Variants in BEND6 observed in about 807,000 individuals in gnomAD.
The protein encoded by BEND6 is BEN domain-containing protein 6.
In BEND6, 24 loss-of-function variants were observed where a neutral mutation model predicts 31.8. That is an observed-to-expected ratio of 0.75 (90% confidence interval 0.55 to 1.06). The LOEUF is 1.06. Among genes scored for constraint, BEND6 ranks in the 50% least tolerant of loss-of-function variants. BEND6 has a pLI of 0.00. For missense variants in BEND6, 294 were observed against 327.4 expected (o/e 0.90, Z 0.79); for synonymous variants, 109 against 114.6 (o/e 0.95, Z 0.31).
intron 2 of BEND6, among the ~76,000 whole-genome samples, chr6:56,990,249 C>CTTTTT (rs943959318): frequency 1.8e-4 from 20 of 110,140 alleles, no homozygotes; most frequent in East Asian, 5.7e-4. Context: ...CCACTCGCTT[C>CTTTTT]TTTTTTTTTT....
intron 2 of BEND6, among the ~76,000 whole-genome samples, chr6:56,983,855 C>T (rs1826152870): frequency 6.6e-6 from 1 of 152,104 alleles, no homozygotes; most frequent in Non-Finnish European, 1.5e-5. Flanking sequence ...TGATGAATAC[C>T]TAGATTGCCT....
chr6:56,974,049 G>A (rs769464772), intron 1 of BEND6, among the ~76,000 whole-genome samples: 27 of 152,260 alleles, frequency 1.8e-4, no homozygotes, highest in Non-Finnish European at 1.8e-4. Context: ...CATTGCACCC[G>A]GCCTAAACTT....
At position 56,955,133 on chromosome 6, in the gene BEND6, C is replaced by G. The variant is rs1273684561; in HGVS notation, c.-428C>G. 6.6e-6 allele frequency: 1 copy of G among 150,524 alleles called. No individual in the cohort carries two copies. The highest frequency in any genetic ancestry group is 2.1e-4 in the South Asian group (1 of 4,824). The allele number at this position is 150,524 out of a possible 1,614,324, so 9.3% of individuals were successfully genotyped here. A position where few individuals can be genotyped will look rare whatever the true frequency, so the allele number is the denominator to read the frequency against. On this transcript the variant is annotated 5_prime_UTR_variant, in exon 1 of 7. Transcript: ENST00000370746. ...ACATCACGGCCAGGCTGCGGCAGCG[C>G]GGGCGCGCGGACATGGCTGCGGCGG...
At chr6:56,994,390 G>A (rs751495046) in intron 3 of BEND6, among the ~76,000 whole-genome samples, 2 of 141,474 alleles carry the variant, frequency 1.4e-5, no homozygotes, top group Non-Finnish European at 3.0e-5. Flanking sequence ...CCTGGGAGGC[G>A]GAGCTTGCAG....
rs574624527 is a variant in BEND6, at chr6:57,015,113, A to G, written c.299-20A>G. ...ATTATCAATGGTATTTGTAAAGTGT[A>G]CTTTTTCTTGCCATTTTAGTGTTAC... On this transcript the variant is annotated intron_variant, in intron 3 of 6. Transcript: ENST00000370746. 1.8e-5 allele frequency: 29 copies of G among 1,600,134 alleles called. No homozygotes were observed. Among genetic ancestry groups the G allele is most frequent in the Non-Finnish European group, 2.3e-5 (27 of 1,167,880 alleles).
At chr6:56,986,299 A>G (rs1024082416) in intron 2 of BEND6, among the ~76,000 whole-genome samples, 1 of 152,116 alleles carries the variant, frequency 6.6e-6, no homozygotes, top group African/African-American at 2.4e-5. Context: ...AGGGCCAGGT[A>G]TGGTGACTCG....
intron 3 of BEND6, chr6:57,008,829 T>C (rs1472290463): frequency 6.6e-6 from 1 of 152,272 alleles, no homozygotes; most frequent in East Asian, 1.9e-4. Flanking sequence ...TGTAAACCAG[T>C]GCAGCCACTA....
At chr6:57,011,919 A>G (rs982846465) in intron 3 of BEND6, among the ~76,000 whole-genome samples, 7 of 152,018 alleles carry the variant, frequency 4.6e-5, no homozygotes, top group Admixed American at 2.6e-4. Flanking sequence ...TGAGGTGAGG[A>G]GTTCAAGACC....
At chr6:56,993,890 G>C (rs987345250) in intron 3 of BEND6, among the ~76,000 whole-genome samples, 2 of 152,006 alleles carry the variant, frequency 1.3e-5, no homozygotes, top group African/African-American at 2.4e-5. Context: ...ATAGAGATGG[G>C]GGTCACACTG....
At chr6:56,983,563 T>C (rs1361202934) in intron 2 of BEND6, among the ~76,000 whole-genome samples, 1 of 152,202 alleles carries the variant, frequency 6.6e-6, no homozygotes, top group East Asian at 1.9e-4. Flanking sequence ...ATGCAATAAT[T>C]TTCTTTCTGC....
intron 5 of BEND6, among the ~76,000 whole-genome samples, 171 bp downstream of exon 5, chr6:57,017,570 CTTTACA>C (rs2127892570): frequency 6.6e-6 from 1 of 152,138 alleles, no homozygotes; most frequent in South Asian, 2.1e-4. Context: ...TATAGAAAAA[CTTTACA>C]TTAACAATGG....
At chr6:56,993,859 G>A (rs545763388) in intron 3 of BEND6, among the ~76,000 whole-genome samples, 3 of 152,080 alleles carry the variant, frequency 2.0e-5, no homozygotes, top group East Asian at 1.9e-4. Flanking sequence ...CACCACACCC[G>A]ACTAATTTTT....
intron 3 of BEND6, among the ~76,000 whole-genome samples, chr6:56,995,167 C>T (rs1208657357): frequency 1.3e-5 from 2 of 151,894 alleles, no homozygotes; most frequent in Admixed American, 6.6e-5. Flanking sequence ...ATCAAGTTTT[C>T]CTTCTCTAAT....
Position 56,981,722 on chromosome 6 carries a change from A to G in BEND6, c.-89A>G. The G allele has an allele frequency of 6.8e-7, 1 of 1,465,778 alleles. No homozygotes were observed. Among genetic ancestry groups the G allele is most frequent in the Non-Finnish European group, 9.3e-7 (1 of 1,080,834 alleles). 90.8% of individuals were successfully genotyped at this position (1,465,778 alleles called of 1,614,324 possible). On this transcript the variant is annotated 5_prime_UTR_variant, in exon 2 of 7. Coordinates refer to ENST00000370746, the MANE Select transcript of BEND6 (RefSeq NM_152731.3). Reference sequence around the variant, plus strand: ...TTTTTGTTTTTAAGGGAAAGCATTAACTTTTGAGCTACGTCCAGAATAGCA... The same window carrying G: ...TTTTTGTTTTTAAGGGAAAGCATTAGCTTTTGAGCTACGTCCAGAATAGCA...
chr6:56,961,751 G>A (rs2127837671), intron 1 of BEND6, among the ~76,000 whole-genome samples: 3 of 152,250 alleles, frequency 2.0e-5, no homozygotes, highest in Middle Eastern at 6.8e-3. Context: ...GGTAAATAAA[G>A]CCACCACTCT....
At chr6:57,004,987 A>G (rs1827101039) in intron 3 of BEND6, among the ~76,000 whole-genome samples, 1 of 152,244 alleles carries the variant, frequency 6.6e-6, no homozygotes, top group Admixed American at 6.5e-5. Context: ...AGAATTAAGA[A>G]GTAATTGTAT....
intron 3 of BEND6, among the ~76,000 whole-genome samples, chr6:57,001,182 G>A (rs755871698): frequency 6.9e-6 from 1 of 144,566 alleles, no homozygotes; most frequent in Non-Finnish European, 1.5e-5. Flanking sequence ...TGGAGACAGG[G>A]TCTCAGGGTC....
intron 2 of BEND6, among the ~76,000 whole-genome samples, chr6:56,984,947 A>C (rs979301280): frequency 6.6e-6 from 1 of 152,236 alleles, no homozygotes; most frequent in Admixed American, 6.5e-5. Context: ...TTGAAGATTG[A>C]ATATTACTGG....
chr6:56,987,852 CAT>C (rs544299677), intron 2 of BEND6, among the ~76,000 whole-genome samples: 5 of 151,852 alleles, frequency 3.3e-5, no homozygotes, highest in African/African-American at 1.2e-4. Context: ...TATATATATA[CAT>C]ATATATATGC....
Sources: gnomAD v4.1 joint callset for allele counts (sites outside exome capture counted in the v4.1 genomes callset) on GRCh38, gnomAD v4.1.1 for gene constraint, MANE v1.5 for transcripts, NCBI Gene and HGNC (gene_info 2026-07-23, HGNC 2026-07-21) for gene names.